ATP2B2: variants seen among roughly 807,000 people sequenced by gnomAD.
The protein encoded by ATP2B2 is plasma membrane calcium-transporting ATPase 2.
Under a neutral mutation model 120.0 loss-of-function variants are expected in ATP2B2, and 15 were observed. That is an observed-to-expected ratio of 0.12 (90% confidence interval 0.08 to 0.19). ATP2B2 has a LOEUF of 0.19. Ranked by LOEUF, ATP2B2 falls within the 10% of genes least tolerant of loss-of-function variation. ATP2B2 has a pLI of 1.00. For missense variants in ATP2B2, 1,045 were observed against 1,719.8 expected (o/e 0.61, Z 6.94); for synonymous variants, 694 against 700.3 (o/e 0.99, Z 0.14).
intron 5 of ATP2B2, 106 bp downstream of exon 5, chr3:10,400,847 A>C: frequency 6.4e-7 from 1 of 1,552,234 alleles, no homozygotes; most frequent in Non-Finnish European, 8.8e-7. Flanking sequence ...GAGATACCAG[A>C]GCCAAGGATC....
chr3:10,499,304 C>G (rs181049775), intron 1 of ATP2B2, among the ~76,000 whole-genome samples: 1 of 152,324 alleles, frequency 6.6e-6, no homozygotes, highest in East Asian at 1.9e-4. Context: ...GGGCCAAGCC[C>G]TGTACTTGGA....
intron 2 of ATP2B2, among the ~76,000 whole-genome samples, chr3:10,536,171 C>T (rs1243085452): frequency 6.6e-6 from 1 of 152,080 alleles, no homozygotes; most frequent in Admixed American, 6.5e-5. Context: ...TCTATATATA[C>T]TCTTTGTTGA....
chr3:10,476,125 G>C (rs994463316), intron 1 of ATP2B2, among the ~76,000 whole-genome samples: 3 of 148,720 alleles, frequency 2.0e-5, no homozygotes, highest in African/African-American at 4.9e-5. Context: ...TGCAAAATTC[G>C]CATAATCATA....
intron 2 of ATP2B2, among the ~76,000 whole-genome samples, chr3:10,600,340 C>G (rs1230275603): frequency 6.6e-6 from 1 of 152,196 alleles, no homozygotes; most frequent in Non-Finnish European, 1.5e-5. Flanking sequence ...CAGCCAGTCA[C>G]CTGCCCCCAG....
At chr3:10,640,140 A>G (rs1177721762) in intron 1 of ATP2B2, among the ~76,000 whole-genome samples, 1 of 152,184 alleles carries the variant, frequency 6.6e-6, no homozygotes, top group African/African-American at 2.4e-5. Flanking sequence ...CCTTGTACTG[A>G]CGAGGAGATT....
chr3:10,701,121 G>A (rs1049615468), intron 1 of ATP2B2, among the ~76,000 whole-genome samples: 4 of 152,182 alleles, frequency 2.6e-5, no homozygotes, highest in Admixed American at 1.3e-4. Context: ...AGAGGAAGAG[G>A]GGGAGGAGGA....
intron 1 of ATP2B2, among the ~76,000 whole-genome samples, chr3:10,691,255 C>G (rs181650722): frequency 9.9e-4 from 151 of 152,282 alleles, no homozygotes; most frequent in African/African-American, 3.5e-3. Flanking sequence ...CTTGTTCATA[C>G]AGTAGCGATC....
At chr3:10,481,419 A>G (rs914309584) in intron 1 of ATP2B2, among the ~76,000 whole-genome samples, 10 of 151,838 alleles carry the variant, frequency 6.6e-5, no homozygotes, top group Admixed American at 6.6e-4. Flanking sequence ...TGCACGTTTC[A>G]GTCCCCCACC....
chr3:10,518,396 G>A (rs1224084926), intron 3 of ATP2B2, among the ~76,000 whole-genome samples: 1 of 152,126 alleles, frequency 6.6e-6, no homozygotes, highest in Non-Finnish European at 1.5e-5. Context: ...AGGCAGCTTG[G>A]AGGCTTGATC....
At chr3:10,690,868 G>T (rs2071647994) in intron 1 of ATP2B2, among the ~76,000 whole-genome samples, 2 of 152,188 alleles carry the variant, frequency 1.3e-5, no homozygotes, top group Non-Finnish European at 1.5e-5. Context: ...GAAAGACTTA[G>T]AATCAAATTC....
intron 1 of ATP2B2, among the ~76,000 whole-genome samples, chr3:10,666,302 T>G (rs1013705806): frequency 6.6e-6 from 1 of 152,170 alleles, no homozygotes; most frequent in Non-Finnish European, 1.5e-5. Context: ...CAGCAACTGT[T>G]TCCTTCGGGG....
At chr3:10,613,045 G>T (rs897834270) in intron 2 of ATP2B2, among the ~76,000 whole-genome samples, 2 of 152,152 alleles carry the variant, frequency 1.3e-5, no homozygotes, top group African/African-American at 4.8e-5. Context: ...TCCACCGAGG[G>T]GAGGGGGCTG....
At chr3:10,467,358 C>A (rs1470114402) in intron 1 of ATP2B2, among the ~76,000 whole-genome samples, 1 of 152,228 alleles carries the variant, frequency 6.6e-6, no homozygotes, top group African/African-American at 2.4e-5. Flanking sequence ...CTCCTATTCA[C>A]CCTTGAGAGC....
In ATP2B2 at chr3:10,329,191, A is replaced by ACACC; in HGVS notation, c.3421-67_3421-66insGGTG. On this transcript the variant is annotated intron_variant, in intron 22 of 22. Coordinates refer to ENST00000360273, the MANE Select transcript of ATP2B2 (RefSeq NM_001001331.4). The surrounding 1 kb of genome is among the most constrained non-coding windows in gnomAD (Gnocchi z 5.9). ...CCACAGCCAGGCTCGGGGGGCTCAC[A>ACACC]GGAGGGGCGGGTGGGAGAAGGGTTA... The ACACC allele has an allele frequency of 1.4e-6, 1 of 709,202 alleles. No individual in the cohort carries two copies. The highest frequency in any genetic ancestry group is 2.3e-6 in the Non-Finnish European group (1 of 432,726). The allele number at this position is 709,202 out of a possible 1,614,324, so 43.9% of individuals were successfully genotyped here.
intron 5 of ATP2B2, among the ~76,000 whole-genome samples, chr3:10,393,998 T>A: frequency 6.6e-6 from 1 of 152,168 alleles, no homozygotes; most frequent in East Asian, 1.9e-4. Context: ...CTGGGAAGCC[T>A]CCTTTTACAA....
At chr3:10,704,931 C>A (rs1276461194) in intron 1 of ATP2B2, among the ~76,000 whole-genome samples, 1 of 152,162 alleles carries the variant, frequency 6.6e-6, no homozygotes, top group Non-Finnish European at 1.5e-5. Context: ...TAAGCATATT[C>A]TCTTATTTGC....
In ATP2B2 at chr3:10,419,880, T is replaced by A. The variant is rs556737532; in HGVS notation, c.200-9065A>T. 2.0e-5 allele frequency among the ~76,000 whole-genome samples: 3 copies of A among 152,322 alleles called. No homozygotes were observed. In the East Asian group the frequency reaches 5.8e-4, roughly 29 times the overall value. On this transcript the variant is annotated intron_variant, in intron 2 of 22. Coordinates refer to ENST00000360273, the MANE Select transcript of ATP2B2 (RefSeq NM_001001331.4). ...CCCTATCTGGTGAAGCCAATGTGAA[T>A]GCTGATTCACTCCAGCTTGATCCCT...
intron 2 of ATP2B2, among the ~76,000 whole-genome samples, chr3:10,430,708 C>T (rs1283122906): frequency 6.6e-6 from 1 of 151,680 alleles, no homozygotes; most frequent in Non-Finnish European, 1.5e-5. Context: ...AGAAATAGCA[C>T]CCCCTACTTG....
chr3:10,440,100 T>TAAAAAAA (rs71055819), intron 2 of ATP2B2, among the ~76,000 whole-genome samples: 1 of 28,170 alleles, frequency 3.5e-5, no homozygotes, highest in Non-Finnish European at 6.0e-5. Context: ...AGACTCTATC[T>TAAAAAAA]AAAAAAAAAA....
Sources: allele counts gnomAD v4.1 joint callset (sites outside exome capture counted in the v4.1 genomes callset), GRCh38; gene constraint gnomAD v4.1.1; non-coding constraint Gnocchi (gnomAD v3.1); transcripts MANE v1.5; gene names NCBI Gene and HGNC (gene_info 2026-07-23, HGNC 2026-07-21).